JPT1: variants seen among roughly 807,000 people sequenced by gnomAD.
The protein encoded by JPT1 is androgen-regulated protein 2.
Under a neutral mutation model 17.0 loss-of-function variants are expected in JPT1, and 5 were observed. The ratio of observed to expected loss-of-function variants is 0.29; its 90% CI spans 0.15 to 0.62. The LOEUF (loss-of-function observed/expected upper bound fraction) is 0.62. Ranked by LOEUF, JPT1 falls within the 20% of genes least tolerant of loss-of-function variation. JPT1 has a pLI of 0.85. For missense variants in JPT1, 158 were observed against 188.1 expected (o/e 0.84, Z 0.94); for synonymous variants, 71 against 73.6 (o/e 0.96, Z 0.18).
At chr17:75,147,312 C>A (rs1235449576) in intron 3 of JPT1, among the ~76,000 whole-genome samples, 2 of 152,130 alleles carry the variant, frequency 1.3e-5, no homozygotes, top group East Asian at 3.8e-4. Flanking sequence ...GAAAGATCCA[C>A]AAGTTCCAAA....
intron 4 of JPT1, among the ~76,000 whole-genome samples, chr17:75,142,201 T>C (rs1175223113): frequency 1.3e-5 from 2 of 152,096 alleles, no homozygotes; most frequent in Non-Finnish European, 2.9e-5. Flanking sequence ...ACCAAAATAA[T>C]TGAATAAAGA....
Position 75,136,142 on chromosome 17 carries a change from C to T in JPT1, c.425G>A (p.Arg142Lys). The T allele has an allele frequency of 1.2e-6, 2 of 1,614,220 alleles. No homozygotes were observed. Among genetic ancestry groups the T allele is most frequent in the South Asian group, 1.1e-5 (1 of 91,090 alleles). ...GCTGGACTTGCCGCCAGGGGGATTTCTTCTGGATGGCACTGGGGCCGGGGC... is the reference window on the plus strand; with the variant it reads ...GCTGGACTTGCCGCCAGGGGGATTTTTTCTGGATGGCACTGGGGCCGGGGC... ...PVAPAPVPSR[R>K]NPPGGKSSLV... Residue 142 changes from arginine (R) to lysine (K), a missense_variant, in exon 5 of 5, where the codon AGA (arginine) becomes AAA (lysine). Physicochemically the swap from Arg to Lys is conservative, Grantham distance 26 (BLOSUM62 2). Transcript: ENST00000409753.
In JPT1 at chr17:75,154,512, T is replaced by G. The variant is rs1030250098; in HGVS notation, c.-115A>C. On this transcript the variant is annotated 5_prime_UTR_variant, in exon 1 of 5. Coordinates refer to ENST00000409753, the MANE Select transcript of JPT1 (RefSeq NM_016185.4). ...CGACCACCGCTGCAGGAGCCGCCGC[T>G]GCCGCCTGTCCGGCCGATCGACGCC... 5.3e-6 allele frequency: 5 copies of G among 948,670 alleles called. No individual in the cohort carries two copies. The highest frequency in any genetic ancestry group is 1.7e-5 in the African/African-American group (1 of 58,598). The allele number at this position is 948,670 out of a possible 1,614,324, so 58.8% of individuals were successfully genotyped here.
chr17:75,137,742 GGT>G (rs2074233916), intron 4 of JPT1, among the ~76,000 whole-genome samples: 1 of 139,740 alleles, frequency 7.2e-6, no homozygotes, highest in Non-Finnish European at 1.5e-5. Flanking sequence ...CTGCCTCCTG[GGT>G]TCAAGCAATT....
At chr17:75,141,729 C>G (rs1250142620) in intron 4 of JPT1, among the ~76,000 whole-genome samples, 1 of 152,102 alleles carries the variant, frequency 6.6e-6, no homozygotes, top group African/African-American at 2.4e-5. Context: ...GAGTTTGCGA[C>G]CAGCCTGGCC....
rs1313834781 is a variant in JPT1, at chr17:75,154,396, ATGGCGCCGAGGAGCGAGGTAGGC to A, written c.-22_1del. The stretch of plus-strand genomic sequence containing the variant: ...TCCCTTGAAGGTGGTGGTTGTGGTC[ATGGCGCCGAGGAGCGAGGTAGGC>A]TGGCGCCGGAGCAGAACGCTCAAAG... On this transcript the variant is annotated start_lost and start_retained_variant and 5_prime_UTR_variant, in exon 1 of 5. Transcript: ENST00000409753. 1.3e-6 allele frequency: 2 copies of A among 1,548,712 alleles called. No homozygotes were observed. The highest frequency in any genetic ancestry group is 2.4e-5 in the South Asian group (2 of 83,908).
At chr17:75,149,737 T>G (rs1214528256) in intron 1 of JPT1, among the ~76,000 whole-genome samples, 1 of 151,994 alleles carries the variant, frequency 6.6e-6, no homozygotes, top group African/African-American at 2.4e-5. Context: ...TTGGGCACGA[T>G]CAGTAGCAGG....
chr17:75,152,100 G>A (rs888374753), intron 1 of JPT1, among the ~76,000 whole-genome samples: 3 of 152,172 alleles, frequency 2.0e-5, no homozygotes, highest in East Asian at 1.9e-4. Context: ...TAACCAACTC[G>A]GATGACGTCA....
At chr17:75,153,461 C>A (rs2074584590) in intron 1 of JPT1, 1 of 152,224 alleles carries the variant, frequency 6.6e-6, no homozygotes, top group Non-Finnish European at 1.5e-5. Flanking sequence ...AAACCTCCTC[C>A]TGCAAGGGAA....
At chr17:75,153,953 C>T (rs2074593732) in intron 1 of JPT1, 1 of 157,226 alleles carries the variant, frequency 6.4e-6, no homozygotes, top group South Asian at 2.0e-4. Flanking sequence ...TGCATGGGGC[C>T]CTAAAGGATC....
intron 4 of JPT1, among the ~76,000 whole-genome samples, chr17:75,138,071 C>T (rs1041128566): frequency 6.6e-6 from 1 of 152,156 alleles, no homozygotes; most frequent in African/African-American, 2.4e-5. Context: ...ATTCTCCTGC[C>T]TCAGCATCCC....
intron 3 of JPT1, chr17:75,146,910 A>G (rs559421238): frequency 2.1e-6 from 1 of 469,744 alleles, no homozygotes; most frequent in East Asian, 3.8e-5. Context: ...TCTACAACAA[A>G]CCCCAACATT....
At chr17:75,153,585 C>CCCCGCG (rs2074586437) in intron 1 of JPT1, 1 of 152,158 alleles carries the variant, frequency 6.6e-6, no homozygotes, top group Non-Finnish European at 1.5e-5. Context: ...TTGGCTCGTT[C>CCCCGCG]CCCGCGCCCG....
At chr17:75,149,524 C>T (rs534236048) in intron 1 of JPT1, among the ~76,000 whole-genome samples, 4 of 152,178 alleles carry the variant, frequency 2.6e-5, no homozygotes, top group South Asian at 2.1e-4. Context: ...CCCGCCACCA[C>T]GCCCAGCTAA....
At chr17:75,154,109 CCT>C (rs1283203935) in intron 1 of JPT1, 1 of 250,024 alleles carries the variant, frequency 4.0e-6, no homozygotes, top group Non-Finnish European at 7.5e-6. Flanking sequence ...CTCCTCAGCC[CCT>C]GACTCCGTGG....
chr17:75,146,937 C>G (rs2074450301), intron 3 of JPT1, among the ~76,000 whole-genome samples: 1 of 152,234 alleles, frequency 6.6e-6, no homozygotes. Flanking sequence ...GAGGACCTAA[C>G]ACCAATTAGC....
chr17:75,152,838 TC>T (rs1443974372), intron 1 of JPT1: 1 of 152,192 alleles, frequency 6.6e-6, no homozygotes, highest in African/African-American at 2.4e-5. Flanking sequence ...GCGACCAGTT[TC>T]CTAGGTCTGT....
At chr17:75,146,467 T>A (rs1568033995) in intron 4 of JPT1, 199 bp downstream of exon 4, 1 of 507,776 alleles carries the variant, frequency 2.0e-6, no homozygotes, top group African/African-American at 2.0e-5. Context: ...TATGTAATTT[T>A]AAAGGATTCT....
chr17:75,143,666 T>A (rs1229428409), intron 4 of JPT1, among the ~76,000 whole-genome samples: 2 of 150,394 alleles, frequency 1.3e-5, no homozygotes, highest in African/African-American at 4.9e-5. Context: ...CGAAACCCTG[T>A]CTCCACTAAA....
Sources: allele counts gnomAD v4.1 joint callset (sites outside exome capture counted in the v4.1 genomes callset), GRCh38; gene constraint gnomAD v4.1.1; transcripts MANE v1.5; gene names NCBI Gene and HGNC (gene_info 2026-07-23, HGNC 2026-07-21).